BCAS3: variants seen among roughly 807,000 people sequenced by gnomAD.
BCAS3 encodes the protein BCAS3 microtubule associated cell migration factor.
A neutral mutation model predicts 116.1 loss-of-function variants in BCAS3; 53 were observed. The ratio of observed to expected loss-of-function variants is 0.46; its 90% CI spans 0.37 to 0.57. BCAS3 has a LOEUF of 0.57. Among genes scored for constraint, BCAS3 ranks in the 20% least tolerant of loss-of-function variants. The pLI, the probability that BCAS3 is intolerant of heterozygous loss-of-function variation, is 0.00. For missense variants in BCAS3, 917 were observed against 1,165.4 expected, an observed-to-expected ratio of 0.79 and a Z score of 3.10; for synonymous variants, 391 against 408.2, an observed-to-expected ratio of 0.96 and a Z score of 0.51.
At chr17:60,808,681 C>T (rs1164352171) in intron 7 of BCAS3, among the ~76,000 whole-genome samples, 1 of 152,190 alleles carries the variant, frequency 6.6e-6, no homozygotes, top group Non-Finnish European at 1.5e-5. Flanking sequence ...ATACTCAGCA[C>T]TTTGCCGGGT....
At chr17:60,911,374 C>T (rs1354116456) in intron 12 of BCAS3, among the ~76,000 whole-genome samples, 1 of 152,166 alleles carries the variant, frequency 6.6e-6, no homozygotes, top group Non-Finnish European at 1.5e-5. Context: ...TCTTGGCTCA[C>T]TGAAACCTCC....
Position 60,995,956 on chromosome 17 carries a change from A to G in BCAS3, c.1486+5721A>G, listed in dbSNP as rs1012840461. The stretch of plus-strand genomic sequence containing the variant: ...CTGAGATGATGACATCTGAGCAAAG[A>G]TCTGGTGGAAGTAAGAGAGAAATTC... On this transcript the variant is annotated intron_variant, in intron 15 of 23. Transcript: ENST00000407086. The surrounding 1 kb of genome is among the most constrained non-coding windows in gnomAD (Gnocchi z 4.7). 3.3e-5 allele frequency among the ~76,000 whole-genome samples: 5 copies of G among 152,202 alleles called. No homozygotes were observed. The highest frequency in any genetic ancestry group is 7.3e-5 in the Non-Finnish European group (5 of 68,036).
rs187961334 is a variant in BCAS3, at chr17:60,779,762, C to T, written c.404-28242C>T. Among the ~76,000 whole-genome samples the T allele has an allele frequency of 3.0e-3, 462 of 152,240 alleles. 2 individuals are homozygous for T. The highest frequency in any genetic ancestry group is 5.2e-3 in the Non-Finnish European group (355 of 68,012). Reference sequence around the variant, plus strand: ...AAAGAAGTCTGAAACCTGAAATGCTCCTGTTCCCAAGCATGTCAGATAAGG... The same window carrying T: ...AAAGAAGTCTGAAACCTGAAATGCTTCTGTTCCCAAGCATGTCAGATAAGG... On this transcript the variant is annotated intron_variant, in intron 6 of 23. Transcript: ENST00000407086.
rs2051781374 is a variant in BCAS3 at position 61,286,352 on chromosome 17, A to G, written c.2426-81975A>G. 6.6e-6 allele frequency among the ~76,000 whole-genome samples: 1 copy of G among 152,194 alleles called. No homozygotes were observed. Among genetic ancestry groups the G allele is most frequent in the Non-Finnish European group, 1.5e-5 (1 of 68,036 alleles). Reference sequence around the variant, plus strand: ...ATGAAGCAGAGGTTGCTGGGTTTATACTGATGTCTGCGCCCACTCCTGTGC... The same window carrying G: ...ATGAAGCAGAGGTTGCTGGGTTTATGCTGATGTCTGCGCCCACTCCTGTGC... On this transcript the variant is annotated intron_variant, in intron 22 of 23. Coordinates refer to ENST00000407086, the MANE Select transcript of BCAS3 (RefSeq NM_017679.5). The surrounding 1 kb of genome is among the most constrained non-coding windows in gnomAD (Gnocchi z 4.8).
At chr17:61,304,694 T>C (rs1006061089) in intron 22 of BCAS3, among the ~76,000 whole-genome samples, 2 of 152,154 alleles carry the variant, frequency 1.3e-5, no homozygotes, top group African/African-American at 4.8e-5. Flanking sequence ...CCATAGTGAA[T>C]TGAACATCCA....
At chr17:60,723,147 CG>C (rs1388444217) in intron 5 of BCAS3, among the ~76,000 whole-genome samples, 1 of 152,094 alleles carries the variant, frequency 6.6e-6, no homozygotes, top group Non-Finnish European at 1.5e-5. Flanking sequence ...TCACCAATTA[CG>C]GATTTTGCCT....
rs1046340715 is a variant in BCAS3 at position 61,325,680 on chromosome 17, C to T, written c.2426-42647C>T. On this transcript the variant is annotated intron_variant, in intron 22 of 23. Transcript: ENST00000407086. The surrounding 1 kb of genome is among the most constrained non-coding windows in gnomAD (Gnocchi z 6.4). The stretch of plus-strand genomic sequence containing the variant: ...ACAGGGCCCCGTTTTCAAAGAATAA[C>T]TGGCTGGCTTCCAGGAGTAACAGGC... Among the ~76,000 whole-genome samples the T allele has an allele frequency of 6.6e-6, 1 of 152,240 alleles. No homozygotes were observed. The highest frequency in any genetic ancestry group is 2.4e-5 in the African/African-American group (1 of 41,458).
chr17:61,277,262 C>CAAA (rs58849968), intron 22 of BCAS3, among the ~76,000 whole-genome samples: 52 of 101,636 alleles, frequency 5.1e-4, no homozygotes, highest in South Asian at 8.6e-4. Flanking sequence ...GACCCTGTAT[C>CAAA]AAAAAAAAAA....
At position 61,323,293 on chromosome 17, in the gene BCAS3, C is replaced by T. The variant is rs2055464273; in HGVS notation, c.2426-45034C>T. Among the ~76,000 whole-genome samples, 1 of 152,140 alleles carries T rather than the reference C, an allele frequency of 6.6e-6. No homozygotes were observed. On this transcript the variant is annotated intron_variant, in intron 22 of 23. Transcript: ENST00000407086. The surrounding 1 kb of genome is among the most constrained non-coding windows in gnomAD (Gnocchi z 4.6). ...TATAACCCGTTCTGATTATTCTTCT[C>T]CTCTGAAATCTCACTGGTTGAATAT...
At chr17:61,277,771 T>C (rs1399006261) in intron 22 of BCAS3, among the ~76,000 whole-genome samples, 1 of 152,132 alleles carries the variant, frequency 6.6e-6, no homozygotes, top group Non-Finnish European at 1.5e-5. Context: ...ATCAGAGATA[T>C]TCAACTCAAA....
At chr17:60,907,783 T>C (rs79436957) in intron 11 of BCAS3, among the ~76,000 whole-genome samples, 62 of 152,314 alleles carry the variant, frequency 4.1e-4, no homozygotes, top group African/African-American at 1.4e-3. Flanking sequence ...TGAGGCTTTA[T>C]AATTTTTCAT....
chr17:61,067,316 T>TATATATATATATAC (rs58080209), intron 19 of BCAS3, among the ~76,000 whole-genome samples: 1 of 131,402 alleles, frequency 7.6e-6, no homozygotes, highest in East Asian at 2.2e-4. Context: ...TATATATATA[T>TATATATATATATAC]TTATACAGAC....
At chr17:61,035,282 C>T (rs2066929282) in intron 17 of BCAS3, among the ~76,000 whole-genome samples, 1 of 152,000 alleles carries the variant, frequency 6.6e-6, no homozygotes, top group Non-Finnish European at 1.5e-5. Context: ...ATCAACTCTG[C>T]CATGTTTTAA....
rs548589734 is a variant in BCAS3 at position 61,180,060 on chromosome 17, C to T, written c.2425+95496C>T. ...GCGACCTGGGACTTTTTGTTAGAGA[C>T]ACATACACAGAGTTTCTATGTAATT... is the stretch of plus-strand genomic sequence containing the variant. On this transcript the variant is annotated intron_variant, in intron 22 of 23. Transcript: ENST00000407086. This position sits in a 1 kb window ranked among gnomAD's most constrained non-coding sequence, Gnocchi z 6.0. Among the ~76,000 whole-genome samples the T allele has an allele frequency of 2.0e-5, 3 of 152,106 alleles. No individual in the cohort carries two copies. The highest frequency in any genetic ancestry group is 1.3e-4 in the Admixed American group (2 of 15,272).
rs1009218707 is a variant in BCAS3 at position 61,087,142 on chromosome 17, G to A, written c.2425+2578G>A. ...AAATTTTTATAATTGCTCTTGAACC[G>A]GGAAGTGCACCTCTGATTATGATCC... On this transcript the variant is annotated intron_variant, in intron 22 of 23. Coordinates refer to ENST00000407086, the MANE Select transcript of BCAS3 (RefSeq NM_017679.5). The surrounding 1 kb of genome is among the most constrained non-coding windows in gnomAD (Gnocchi z 4.6). 3.7e-5 allele frequency: 36 copies of A among 985,144 alleles called. No individual in the cohort carries two copies. The highest frequency in any genetic ancestry group is 3.9e-5 in the Non-Finnish European group (32 of 829,840). The allele number at this position is 985,144 out of a possible 1,614,324, so 61.0% of individuals were successfully genotyped here.
chr17:61,237,557 T>G (rs930271964), intron 22 of BCAS3, among the ~76,000 whole-genome samples: 1 of 152,232 alleles, frequency 6.6e-6, no homozygotes, highest in Non-Finnish European at 1.5e-5. Context: ...CCTTGCCACC[T>G]TTAAGAGCTG....
intron 6 of BCAS3, among the ~76,000 whole-genome samples, chr17:60,782,120 T>C (rs1205890981): frequency 6.6e-6 from 1 of 152,204 alleles, no homozygotes; most frequent in African/African-American, 2.4e-5. Context: ...TGACCACATA[T>C]GAGGAGTCCA....
chr17:60,851,868 G>A, intron 7 of BCAS3: 1 of 1,429,378 alleles, frequency 7.0e-7, no homozygotes, highest in East Asian at 2.7e-5. Context: ...TTTTAAGAAG[G>A]GAATCTCACC....
At chr17:61,046,951 C>T (rs1363549010) in intron 19 of BCAS3, among the ~76,000 whole-genome samples, 1 of 151,866 alleles carries the variant, frequency 6.6e-6, no homozygotes, top group Non-Finnish European at 1.5e-5. Flanking sequence ...ATCTCCACTC[C>T]CCTTCCAGCC....
Sources: allele counts gnomAD v4.1 joint callset (sites outside exome capture counted in the v4.1 genomes callset), GRCh38; gene constraint gnomAD v4.1.1; non-coding constraint Gnocchi (gnomAD v3.1); transcripts MANE v1.5; gene names NCBI Gene and HGNC (gene_info 2026-07-23, HGNC 2026-07-21).